The following ATP8B4 variants were observed in gnomAD, a reference collection of about 807,000 sequenced individuals.
ATP8B4 encodes the protein probable phospholipid-transporting ATPase IM.
Under a neutral mutation model 145.6 loss-of-function variants are expected in ATP8B4, and 133 were observed. That is an observed-to-expected ratio of 0.91 (90% CI 0.79 to 1.05). ATP8B4 has a LOEUF of 1.05. Among genes scored for constraint, ATP8B4 ranks in the 50% least tolerant of loss-of-function variants. The pLI is 0.00. For missense variants in ATP8B4, 1,458 were observed against 1,425.2 expected (o/e 1.02, Z -0.37); for synonymous variants, 507 against 492.9 (o/e 1.03, Z -0.38).
chr15:49,980,818 G>T (rs928745019), intron 11 of ATP8B4, among the ~76,000 whole-genome samples: 2 of 152,296 alleles, frequency 1.3e-5, no homozygotes, highest in East Asian at 1.9e-4. Context: ...GCCCTGTGTG[G>T]TTACACAGAT....
chr15:49,926,465 C>T (rs2040736784), intron 16 of ATP8B4, among the ~76,000 whole-genome samples: 1 of 152,100 alleles, frequency 6.6e-6, no homozygotes, highest in African/African-American at 2.4e-5. Context: ...TGCTTCCTTC[C>T]AGACTCTTCT....
chr15:50,151,126 T>C (rs974609156), intron 1 of ATP8B4, among the ~76,000 whole-genome samples: 3 of 152,208 alleles, frequency 2.0e-5, no homozygotes, highest in African/African-American at 7.2e-5. Flanking sequence ...AATGGAGCAT[T>C]TTCAATTTTT....
intron 6 of ATP8B4, among the ~76,000 whole-genome samples, chr15:50,031,029 C>A (rs1356708085): frequency 2.6e-5 from 4 of 152,162 alleles, no homozygotes; most frequent in African/African-American, 9.7e-5. Flanking sequence ...AAGAAATGAT[C>A]AATCCAAGAC....
In ATP8B4 at chr15:50,132,957, T is replaced by C. The variant is rs1374332355; in HGVS notation, c.-42-25949A>G. On this transcript the variant is annotated intron_variant, in intron 1 of 3. Transcript: ENST00000558829. ...GGGGAACATCACACACCAGGGCCTG[T>C]TGAGGGGTGGTGGGCTAGGGGAGGG... Among the ~76,000 whole-genome samples, 18 of 146,178 alleles carry C rather than the reference T, an allele frequency of 1.2e-4. No individual in the cohort carries two copies. In the Admixed American group the frequency reaches 1.3e-3, roughly 10 times the overall value.
chr15:50,025,732 C>G (rs568603171), intron 6 of ATP8B4, among the ~76,000 whole-genome samples: 248 of 152,330 alleles, frequency 1.6e-3, no homozygotes, highest in Non-Finnish European at 2.7e-3. Flanking sequence ...ATTTTATTAT[C>G]TACTTCCCTG....
chr15:50,096,037 T>C (rs896763206), intron 2 of ATP8B4, among the ~76,000 whole-genome samples: 11 of 152,194 alleles, frequency 7.2e-5, no homozygotes, highest in African/African-American at 2.2e-4. Context: ...ACCATAGTTT[T>C]AAAAGTTATC....
Position 49,897,308 on chromosome 15 carries a change from C to T in ATP8B4, c.2681G>A (p.Cys894Tyr). 1 of 1,608,600 alleles carries T rather than the reference C, an allele frequency of 6.2e-7. No homozygotes were observed. The highest frequency in any genetic ancestry group is 8.5e-7 in the Non-Finnish European group (1 of 1,177,806). The change falls in exon 23 of 28, where the codon TGT (cysteine) becomes TAT (tyrosine). Residue 894 changes from cysteine (C) to tyrosine (Y), a missense_variant. Physicochemically the swap from Cys to Tyr is radical, Grantham distance 194. Coordinates refer to ENST00000284509, the MANE Select transcript of ATP8B4 (RefSeq NM_024837.4). ...TTTACCAACCTGGGCTGAGAAACCA[C>T]AGAAGAAACCAAACCAGAAATGCAC... ...TLVHFWFGFF[C>Y]GFSAQTVYDQ... is the part of the protein sequence containing the mutation.
intron 14 of ATP8B4, among the ~76,000 whole-genome samples, chr15:49,953,913 G>C (rs1200967485): frequency 6.6e-6 from 1 of 152,158 alleles, no homozygotes; most frequent in Non-Finnish European, 1.5e-5. Context: ...GCCTCCCTTG[G>C]CTGGAGGCAG....
chr15:49,879,431 A>G lies in ATP8B4; in HGVS notation c.2726T>C (p.Leu909Pro), dbSNP rs1225478671. The change falls in exon 24 of 28, where the codon CTT (leucine) becomes CCT (proline). Residue 909 changes from leucine (L) to proline (P), a missense_variant. By Grantham distance (98) the Leu-to-Pro change is moderately conservative. Coordinates refer to ENST00000284509, the MANE Select transcript of ATP8B4 (RefSeq NM_024837.4). ...CAGTGATGTGTAAACAATGTTAAAA[A>G]GGGTGATGAACCACTGGTCATAAAC... is the stretch of plus-strand genomic sequence containing the variant. The part of the protein sequence containing the change: ...QTVYDQWFIT[L>P]FNIVYTSLPV... 6.2e-7 allele frequency: 1 copy of G among 1,612,488 alleles called. No homozygotes were observed. Among genetic ancestry groups the G allele is most frequent in the Non-Finnish European group, 8.5e-7 (1 of 1,178,898 alleles).
chr15:49,892,432 G>C (rs2036934013), intron 23 of ATP8B4, among the ~76,000 whole-genome samples: 1 of 152,144 alleles, frequency 6.6e-6, no homozygotes, highest in Non-Finnish European at 1.5e-5. Context: ...TTTGTCCCTT[G>C]GACTAGAGTT....
intron 27 of ATP8B4, among the ~76,000 whole-genome samples, chr15:49,861,402 A>ATGTGTGTGTGTG (rs58396806): frequency 4.0e-5 from 4 of 99,164 alleles, no homozygotes; most frequent in Non-Finnish European, 9.4e-5. Flanking sequence ...TTAAAAAAAA[A>ATGTGTGTGTGTG]TGTGTGTGTG....
chr15:50,158,211 C>T (rs936240781), intron 1 of ATP8B4, among the ~76,000 whole-genome samples: 2,087 of 152,010 alleles, frequency 0.014, 51 homozygotes, highest in African/African-American at 0.048. Context: ...TCTGCCTGGC[C>T]GCCCATCGTC....
At chr15:49,880,588 T>C (rs1403999811) in intron 23 of ATP8B4, 1 of 152,184 alleles carries the variant, frequency 6.6e-6, no homozygotes, top group Non-Finnish European at 1.5e-5. Context: ...TTAACAGGAT[T>C]ACTCTGGATG....
chr15:50,093,809 C>T lies in ATP8B4; in HGVS notation c.28+13130G>A, dbSNP rs781518758. ...AAAAAATGTGAAAATATATAACATG[C>T]AACATTAACCATAGGAAATCTGATA... On this transcript the variant is annotated intron_variant, in intron 2 of 27. Coordinates refer to ENST00000284509, the MANE Select transcript of ATP8B4 (RefSeq NM_024837.4). 5.9e-5 allele frequency among the ~76,000 whole-genome samples: 9 copies of T among 152,022 alleles called. No individual in the cohort carries two copies. In the South Asian group the frequency reaches 1.5e-3, roughly 25 times the overall value.
intron 2 of ATP8B4, among the ~76,000 whole-genome samples, chr15:50,086,188 TTATA>T (rs981647840): frequency 1.8e-5 from 2 of 111,640 alleles, no homozygotes; most frequent in Admixed American, 2.3e-4. Flanking sequence ...TCTATATTTA[TTATA>T]TATAATAAAA....
At chr15:49,981,374 G>A in intron 10 of ATP8B4, 80 bp from the exon 11 acceptor site, 2 of 1,070,730 alleles carry the variant, frequency 1.9e-6, no homozygotes, top group East Asian at 2.6e-5. Flanking sequence ...AAATGTCTCT[G>A]AAAGAAAAAA....
At chr15:50,044,742 A>T (rs763756693) in intron 4 of ATP8B4, 50 bp from the exon 5 acceptor site, 4 of 1,318,340 alleles carry the variant, frequency 3.0e-6, no homozygotes, top group Admixed American at 1.7e-5. Flanking sequence ...TAGAAAATAT[A>T]TCTTCCAAAC....
intron 6 of ATP8B4, among the ~76,000 whole-genome samples, chr15:50,020,324 C>G (rs2153580297): frequency 6.7e-6 from 1 of 149,934 alleles, no homozygotes; most frequent in South Asian, 2.1e-4. Flanking sequence ...GGATGGAGTG[C>G]AATGGCACAG....
chr15:50,087,312 AATAG>A (rs1382422102), intron 2 of ATP8B4, among the ~76,000 whole-genome samples: 3 of 104,426 alleles, frequency 2.9e-5, no homozygotes, highest in Non-Finnish European at 5.4e-5. Flanking sequence ...TATTATATAT[AATAG>A]ATATAGATCT....
Sources: gnomAD v4.1 joint callset for allele counts (sites outside exome capture counted in the v4.1 genomes callset) on GRCh38, gnomAD v4.1.1 for gene constraint, MANE v1.5 for transcripts, NCBI Gene and HGNC (gene_info 2026-07-23, HGNC 2026-07-21) for gene names.